The following RERE variants were observed in gnomAD, a reference collection of about 807,000 sequenced individuals.
The protein encoded by RERE is arginine-glutamic acid dipeptide repeats protein.
RERE carries 40 observed loss-of-function variants against 146.1 expected under a neutral mutation model. The ratio of observed to expected loss-of-function variants is 0.27; its 90% CI spans 0.21 to 0.36. The LOEUF is 0.36. Among genes scored for constraint, RERE ranks in the 10% least tolerant of loss-of-function variants. The pLI is 1.00. For synonymous variants in RERE, 1,003 were observed against 866.0 expected, an observed-to-expected ratio of 1.16 and a Z score of -2.78; for missense variants, 1,933 against 2,138.7, an observed-to-expected ratio of 0.90 and a Z score of 1.90.
intron 7 of RERE, chr1:8,511,869 C>G (rs144388300): frequency 1.3e-4 from 20 of 151,502 alleles, no homozygotes; most frequent in African/African-American, 4.8e-4. Flanking sequence ...TTCCCTGGCA[C>G]ATGGAAAAAG....
At chr1:8,453,200 A>G (rs1644408678) in intron 11 of RERE, among the ~76,000 whole-genome samples, 1 of 152,224 alleles carries the variant, frequency 6.6e-6, no homozygotes, top group Non-Finnish European at 1.5e-5. Context: ...GAAGCTGACA[A>G]AGAAGTTGGG....
intron 1 of RERE, among the ~76,000 whole-genome samples, chr1:8,712,281 T>C (rs1009436583): frequency 6.6e-6 from 1 of 152,222 alleles, no homozygotes; most frequent in African/African-American, 2.4e-5. Context: ...TTCTGGAGTT[T>C]AATTTTAACT....
At position 8,399,688 on chromosome 1, in the gene RERE, G is replaced by A. The variant is rs545021931; in HGVS notation, c.1284+23039C>T. On this transcript the variant is annotated intron_variant, in intron 12 of 22. Transcript: ENST00000400908. ...GTTTTGATTGAAATGATATAGCAAT[G>A]AGAGAGTAAGGGGATCTTTATAATG... Among the ~76,000 whole-genome samples the A allele has an allele frequency of 3.9e-5, 6 of 152,238 alleles. No homozygotes were observed. The South Asian group carries it at 1.2e-3, about 32-fold the overall frequency.
intron 2 of RERE, among the ~76,000 whole-genome samples, chr1:8,628,055 T>C: frequency 1.3e-5 from 2 of 152,200 alleles, no homozygotes; most frequent in Non-Finnish European, 2.9e-5. Flanking sequence ...TTACTTTTCC[T>C]TAGATTAAAA....
chr1:8,386,019 T>A (rs1253302657), intron 12 of RERE, among the ~76,000 whole-genome samples: 1 of 39,838 alleles, frequency 2.5e-5, no homozygotes, highest in Non-Finnish European at 4.3e-5. Flanking sequence ...TATATATATA[T>A]ATATTTTTTT....
chr1:8,571,972 G>A (rs929290041), intron 4 of RERE, among the ~76,000 whole-genome samples: 11 of 152,170 alleles, frequency 7.2e-5, no homozygotes, highest in Non-Finnish European at 1.5e-4. Context: ...TTGTCAAAAA[G>A]ATTCTGCATC....
chr1:8,604,687 T>C (rs1320942192), intron 4 of RERE, among the ~76,000 whole-genome samples: 4 of 147,420 alleles, frequency 2.7e-5, no homozygotes. Flanking sequence ...TCCACATATC[T>C]GTAAGGTGGG....
At chr1:8,695,404 A>G (rs879738695) in intron 1 of RERE, among the ~76,000 whole-genome samples, 12 of 152,054 alleles carry the variant, frequency 7.9e-5, no homozygotes, top group Non-Finnish European at 1.8e-4. Flanking sequence ...AAAAACAAAA[A>G]TTGACAACTG....
intron 4 of RERE, among the ~76,000 whole-genome samples, chr1:8,605,142 C>G (rs1323094268): frequency 6.6e-6 from 1 of 151,890 alleles, no homozygotes. Context: ...CAACTTTTTT[C>G]TTTTTTTTCC....
Position 8,804,023 on chromosome 1 carries a change from GA to G in RERE, c.-145+13136del, listed in dbSNP as rs1481648682. Among the ~76,000 whole-genome samples the G allele has an allele frequency of 1.2e-4, 18 of 152,222 alleles. No individual in the cohort carries two copies. In the East Asian group the frequency reaches 2.1e-3, roughly 18 times the overall value. On this transcript the variant is annotated intron_variant, in intron 1 of 22. Coordinates refer to ENST00000400908, the MANE Select transcript of RERE (RefSeq NM_001042681.2). ...TTTCCTAAGAAATATTAATATTAATGAAAACTTTTCTCAATATATTAATAGA... is the reference window on the plus strand; with the variant it reads ...TTTCCTAAGAAATATTAATATTAATGAAACTTTTCTCAATATATTAATAGA...
In RERE at chr1:8,485,796, CTTT is replaced by C. The variant is rs58295004; in HGVS notation, c.1104+9264_1104+9266del. On this transcript the variant is annotated intron_variant, in intron 10 of 22. Coordinates refer to ENST00000400908, the MANE Select transcript of RERE (RefSeq NM_001042681.2). ...GGAGAAACAACCAACTCTACAATCA[CTTT>C]TTTTTTTTTTTTTTTTTGGAGATGG... Among the ~76,000 whole-genome samples, 713 of 117,814 alleles carry C rather than the reference CTTT, an allele frequency of 6.1e-3. 6 individuals carry two copies. The highest frequency in any genetic ancestry group is 0.019 in the African/African-American group (573 of 30,392). The allele number at this position is 117,814 out of a possible 152,430, so 77.3% of individuals were successfully genotyped here.
chr1:8,693,597 G>A (rs541345810), intron 1 of RERE, among the ~76,000 whole-genome samples: 1 of 152,148 alleles, frequency 6.6e-6, no homozygotes, highest in East Asian at 1.9e-4. Context: ...GGCAGAGAGG[G>A]AGGGATGAAT....
chr1:8,603,077 G>A (rs1646653445), intron 4 of RERE, among the ~76,000 whole-genome samples: 1 of 152,246 alleles, frequency 6.6e-6, no homozygotes, highest in Admixed American at 6.5e-5. Flanking sequence ...GAAGTGGGAG[G>A]TGGAGAGGAG....
chr1:8,616,225 A>G (rs1646851340), intron 3 of RERE, among the ~76,000 whole-genome samples: 1 of 152,252 alleles, frequency 6.6e-6, no homozygotes, highest in Non-Finnish European at 1.5e-5. Flanking sequence ...GCATTTCCAG[A>G]CACTTTGGCA....
chr1:8,692,003 T>C (rs1172566942), intron 1 of RERE, among the ~76,000 whole-genome samples: 1 of 152,174 alleles, frequency 6.6e-6, no homozygotes, highest in African/African-American at 2.4e-5. Context: ...TCTGAGTTCC[T>C]TGATCATTAA....
chr1:8,605,713 C>T (rs1306913170), intron 4 of RERE, among the ~76,000 whole-genome samples: 11 of 123,928 alleles, frequency 8.9e-5, no homozygotes, highest in Non-Finnish European at 1.7e-4. Flanking sequence ...CCATTGCACT[C>T]CATCCTGGGC....
intron 4 of RERE, among the ~76,000 whole-genome samples, chr1:8,597,606 CT>C (rs1240187579): frequency 6.6e-6 from 1 of 152,182 alleles, no homozygotes; most frequent in Non-Finnish European, 1.5e-5. Context: ...TAAGAACCCC[CT>C]GTCCTGTGTT....
intron 2 of RERE, among the ~76,000 whole-genome samples, chr1:8,635,024 C>G (rs1222334625): frequency 6.6e-6 from 1 of 152,184 alleles, no homozygotes; most frequent in African/African-American, 2.4e-5. Flanking sequence ...CGTGAGCCAC[C>G]GCGCCTGGCC....
chr1:8,370,332 G>A (rs902569146), intron 12 of RERE, among the ~76,000 whole-genome samples: 5 of 152,142 alleles, frequency 3.3e-5, no homozygotes, highest in Admixed American at 6.5e-5. Context: ...AGAGCCTGGA[G>A]GGTGGGGGAC....
Sources: gnomAD v4.1 joint callset for allele counts (sites outside exome capture counted in the v4.1 genomes callset) on GRCh38, gnomAD v4.1.1 for gene constraint, MANE v1.5 for transcripts, NCBI Gene and HGNC (gene_info 2026-07-23, HGNC 2026-07-21) for gene names.